The following AP3B1 variants were observed in gnomAD, a reference collection of about 807,000 sequenced individuals.
AP3B1 encodes the protein AP-3 complex subunit beta-1.
In AP3B1, 61 loss-of-function variants were observed where a neutral mutation model predicts 132.5. The ratio of observed to expected loss-of-function variants is 0.46; its 90% CI spans 0.37 to 0.57. The LOEUF (loss-of-function observed/expected upper bound fraction) is 0.57, where lower values mean the gene tolerates loss of function less well. Among genes scored for constraint, AP3B1 ranks in the 20% least tolerant of loss-of-function variants. The pLI, the probability that AP3B1 is intolerant of heterozygous loss-of-function variation, is 0.00. For missense variants in AP3B1, 1,120 were observed against 1,289.4 expected (o/e 0.87, Z 2.01); for synonymous variants, 388 against 438.3 (o/e 0.89, Z 1.43).
chr5:78,056,196 A>G (rs2112134474), intron 22 of AP3B1, among the ~76,000 whole-genome samples: 1 of 152,332 alleles, frequency 6.6e-6, no homozygotes, highest in Non-Finnish European at 1.5e-5. Context: ...GGGGTATGAG[A>G]CCAGATGTCA....
At chr5:78,184,130 C>T (rs565722604) in intron 7 of AP3B1, among the ~76,000 whole-genome samples, 1 of 150,642 alleles carries the variant, frequency 6.6e-6, no homozygotes, top group South Asian at 2.1e-4. Context: ...GATTGCGCCA[C>T]TGCACTCCAG....
chr5:78,207,252 A>G (rs1294934048), intron 7 of AP3B1, among the ~76,000 whole-genome samples: 1 of 103,494 alleles, frequency 9.7e-6, no homozygotes, highest in Non-Finnish European at 2.1e-5. Context: ...AACGAGACTC[A>G]GTGTCAAAAA....
chr5:78,202,325 T>C (rs1745326759), intron 7 of AP3B1, among the ~76,000 whole-genome samples: 1 of 152,108 alleles, frequency 6.6e-6, no homozygotes, highest in Admixed American at 6.6e-5. Context: ...CTATATAAAT[T>C]CTGAGATTCA....
chr5:78,123,887 ACACAGG>A (rs1377861435), intron 17 of AP3B1, among the ~76,000 whole-genome samples: 1 of 152,232 alleles, frequency 6.6e-6, no homozygotes, highest in East Asian at 1.9e-4. Flanking sequence ...TGCTATAAAG[ACACAGG>A]CACATGTATG....
At chr5:78,233,415 G>T (rs1580522369) in intron 3 of AP3B1, among the ~76,000 whole-genome samples, 1 of 151,112 alleles carries the variant, frequency 6.6e-6, no homozygotes, top group Admixed American at 6.6e-5. Context: ...TCTATTTTTA[G>T]TAGAGAACGG....
chr5:78,199,368 G>A (rs1205412444), intron 7 of AP3B1, among the ~76,000 whole-genome samples: 1 of 152,158 alleles, frequency 6.6e-6, no homozygotes, highest in Non-Finnish European at 1.5e-5. Flanking sequence ...TTCAAGACAT[G>A]AGAAATAAGG....
chr5:78,174,774 C>T (rs541588096), intron 11 of AP3B1, among the ~76,000 whole-genome samples: 48 of 152,384 alleles, frequency 3.1e-4, no homozygotes, highest in African/African-American at 1.1e-3. Flanking sequence ...CAGACAGGTA[C>T]ACTGATGTCT....
intron 15 of AP3B1, among the ~76,000 whole-genome samples, chr5:78,133,564 G>T (rs1447646030): frequency 6.6e-6 from 1 of 152,168 alleles, no homozygotes; most frequent in Non-Finnish European, 1.5e-5. Flanking sequence ...AATTAGATCT[G>T]TCCAGGGAAG....
At chr5:78,225,488 A>T in intron 6 of AP3B1, 54 bp downstream of exon 6, 1 of 952,252 alleles carries the variant, frequency 1.1e-6, no homozygotes, top group Non-Finnish European at 1.7e-6. Flanking sequence ...GGTAAATGAT[A>T]CTATGTAAAT....
At chr5:78,012,276 ATAT>A (rs1486571051) in intron 26 of AP3B1, among the ~76,000 whole-genome samples, 8 of 152,120 alleles carry the variant, frequency 5.3e-5, no homozygotes, top group African/African-American at 1.9e-4. Flanking sequence ...CAGTTAATTT[ATAT>A]TATTATAATG....
intron 3 of AP3B1, among the ~76,000 whole-genome samples, chr5:78,230,473 T>C (rs1746599217): frequency 1.3e-5 from 2 of 152,232 alleles, no homozygotes; most frequent in South Asian, 2.1e-4. Context: ...TTCCAATTAC[T>C]CTTCAATGTT....
rs1432187587 is a variant in AP3B1, at chr5:78,282,843, T to A, written c.128+11609A>T. On this transcript the variant is annotated intron_variant, in intron 1 of 26. Transcript: ENST00000255194. ...CGTGGACAACATAGTAAGACTTGTCTCTACCAAAAAAAAAAAAAAAAAATA... is the reference window on the plus strand; with the variant it reads ...CGTGGACAACATAGTAAGACTTGTCACTACCAAAAAAAAAAAAAAAAAATA... Among the ~76,000 whole-genome samples, 4 of 119,388 alleles carry A rather than the reference T, an allele frequency of 3.4e-5. No individual in the cohort carries two copies. The East Asian group carries it at 8.6e-4, about 26-fold the overall frequency. The allele number at this position is 119,388 out of a possible 152,430, so 78.3% of individuals were successfully genotyped here.
At chr5:78,294,400 C>G (rs1003589081) in intron 1 of AP3B1, 52 bp downstream of exon 1, 1 of 1,612,332 alleles carries the variant, frequency 6.2e-7, no homozygotes, top group African/African-American at 1.3e-5. Flanking sequence ...CCCACTCCTC[C>G]GAGTCCGCAG....
intron 26 of AP3B1, among the ~76,000 whole-genome samples, chr5:78,013,152 C>T (rs1298509137): frequency 1.3e-5 from 2 of 152,082 alleles, no homozygotes; most frequent in African/African-American, 4.8e-5. Context: ...TCAGGCGATC[C>T]TCCTACCTCA....
chr5:78,141,441 GAATT>G (rs1753143796), intron 14 of AP3B1, 122 bp from the exon 15 acceptor site: 1 of 719,386 alleles, frequency 1.4e-6, no homozygotes, highest in South Asian at 1.9e-5. Flanking sequence ...GTATATCTAG[GAATT>G]AATCCTGTAT....
chr5:78,141,115 GATAGGTTGACTAAC>G lies in AP3B1; in HGVS notation c.1650+14_1650+27del. On this transcript the variant is annotated intron_variant, in intron 15 of 26. Coordinates refer to ENST00000255194, the MANE Select transcript of AP3B1 (RefSeq NM_003664.5). ...AGAGTGAAGAGGAAAGTACGTATTA[GATAGGTTGACTAAC>G]ATTTGCCTCTCACCTGTTTGGAGTT... 1 of 1,604,198 alleles carries G rather than the reference GATAGGTTGACTAAC, an allele frequency of 6.2e-7. No homozygotes were observed. The highest frequency in any genetic ancestry group is 8.5e-7 in the Non-Finnish European group (1 of 1,171,290).
chr5:78,083,452 T>C (rs1750100191), intron 22 of AP3B1, among the ~76,000 whole-genome samples: 1 of 152,226 alleles, frequency 6.6e-6, no homozygotes, highest in African/African-American at 2.4e-5. Flanking sequence ...ACACACAAAA[T>C]TGTCTTTTTT....
chr5:78,252,487 A>G (rs879804069), intron 2 of AP3B1, among the ~76,000 whole-genome samples: 1 of 152,102 alleles, frequency 6.6e-6, no homozygotes, highest in African/African-American at 2.4e-5. Flanking sequence ...GCCAAGCAGC[A>G]TTCATGAAAA....
rs145253920 is a variant in AP3B1, at chr5:78,224,924, AAGT to A, written c.603+615_603+617del. Reference sequence around the variant, plus strand: ...AGAACAAGTAGGCATAAGATCAGCAAAGTAGAAGATTTGAACAACACTAAAAAA... The same window carrying A: ...AGAACAAGTAGGCATAAGATCAGCAAAGAAGATTTGAACAACACTAAAAAA... On this transcript the variant is annotated intron_variant, in intron 6 of 26. Transcript: ENST00000255194. 1.9e-4 allele frequency among the ~76,000 whole-genome samples: 29 copies of A among 152,214 alleles called. No individual in the cohort carries two copies. The East Asian group carries it at 4.4e-3, about 23-fold the overall frequency.
Sources: allele counts gnomAD v4.1 joint callset (sites outside exome capture counted in the v4.1 genomes callset), GRCh38; gene constraint gnomAD v4.1.1; transcripts MANE v1.5; gene names NCBI Gene and HGNC (gene_info 2026-07-23, HGNC 2026-07-21).